The following TTC14 variants were observed in gnomAD, a reference collection of about 807,000 sequenced individuals.
TTC14 encodes tetratricopeptide repeat protein 14.
Under a neutral mutation model 79.9 loss-of-function variants are expected in TTC14, and 63 were observed. The observed-to-expected ratio is 0.79, with a 90% CI of 0.64 to 0.97. The LOEUF is 0.97. Ranked by LOEUF, TTC14 falls within the 50% of genes least tolerant of loss-of-function variation. TTC14 has a pLI of 0.00. For missense variants in TTC14, 895 were observed against 894.0 expected, an observed-to-expected ratio of 1.00 and a Z score of -0.01; for synonymous variants, 335 against 309.6, an observed-to-expected ratio of 1.08 and a Z score of -0.86.
chr3:180,602,217 G>C lies in TTC14; in HGVS notation c.-45G>C, dbSNP rs1421797585. ...CGGCTCAAGTAGCGGACACGGAACA[G>C]GGAACTATCAGCCCGTCGGCCTCCG... is the stretch of plus-strand genomic sequence containing the variant. On this transcript the variant is annotated 5_prime_UTR_variant, in exon 1 of 12. Coordinates refer to ENST00000296015, the MANE Select transcript of TTC14 (RefSeq NM_133462.4). 1 of 1,606,486 alleles carries C rather than the reference G, an allele frequency of 6.2e-7. No homozygotes were observed. The highest frequency in any genetic ancestry group is 8.5e-7 in the Non-Finnish European group (1 of 1,176,366).
intron 12 of TTC14, chr3:180,616,803 C>A: frequency 6.2e-7 from 1 of 1,602,502 alleles, no homozygotes; most frequent in South Asian, 1.1e-5. Flanking sequence ...TATGAAAGGT[C>A]AGTTTTTAAA....
chr3:180,612,322 G>T (rs765475145), downstream of TTC14, among the ~76,000 whole-genome samples: 14 of 151,892 alleles, frequency 9.2e-5, no homozygotes, highest in Non-Finnish European at 1.9e-4. Context: ...TTGTTACATG[G>T]ATCTATCGTG....
rs144146781 is a variant in TTC14 at position 180,605,528 on chromosome 3, G to A, written c.858-238G>A. On this transcript the variant is annotated intron_variant, in intron 6 of 11. Transcript: ENST00000296015. The stretch of plus-strand genomic sequence containing the variant: ...AATCTCCTGACCTCGTGATCCACCC[G>A]CCTCGACCTCCCAAAGTGTTGGGAT... 9.5e-4 allele frequency: 321 copies of A among 338,594 alleles called. 4 individuals carry two copies. The East Asian group carries it at 0.025, about 27-fold the overall frequency. 21.0% of individuals were successfully genotyped at this position (338,594 alleles called of 1,614,324 possible).
chr3:180,613,661 G>GTGTT (rs1717111288), downstream of TTC14, among the ~76,000 whole-genome samples: 3 of 152,206 alleles, frequency 2.0e-5, no homozygotes, highest in African/African-American at 7.2e-5. Context: ...TCATAGAAGA[G>GTGTT]TGTTTAATAT....
chr3:180,604,634 C>T (rs763839301), intron 5 of TTC14, 27 bp downstream of exon 5: 2 of 1,582,874 alleles, frequency 1.3e-6, no homozygotes, highest in East Asian at 2.2e-5. Context: ...ATTTCAACAA[C>T]AGTTCATTAC....
In TTC14 at chr3:180,610,055, G is replaced by A. The variant is rs879073040; in HGVS notation, c.1826G>A (p.Gly609Asp). The A allele has an allele frequency of 1.2e-6, 2 of 1,613,944 alleles. No homozygotes were observed. The highest frequency in any genetic ancestry group is 1.7e-6 in the Non-Finnish European group (2 of 1,179,936). Reference protein sequence around the residue: ...DFYNSYKTQAGSSKTEKPYKS... With the variant: ...DFYNSYKTQADSSKTEKPYKS... ...TATAACAGCTATAAAACCCAAGCAG[G>A]TAGTAGCAAAACAGAAAAGCCATAT... The change falls in exon 12 of 12, where the codon GGT (glycine) becomes GAT (aspartate). Residue 609 changes from glycine (G) to aspartate (D), a missense_variant. By Grantham distance (94) the Gly-to-Asp change is moderately conservative. Transcript: ENST00000296015.
At chr3:180,614,706 CAT>C (rs1458819158), downstream of TTC14, 1 of 465,690 alleles carries the variant, frequency 2.1e-6, no homozygotes, top group East Asian at 3.8e-5. Flanking sequence ...GCTTGTATAA[CAT>C]GTAGCCTTGT....
downstream of TTC14, among the ~76,000 whole-genome samples, chr3:180,612,973 G>A (rs748700595): frequency 3.8e-4 from 58 of 152,222 alleles, no homozygotes; most frequent in African/African-American, 1.1e-3. Context: ...GCCAAGAAGC[G>A]TATGAAATAA....
rs770480908 is a variant in TTC14 at position 180,609,988 on chromosome 3, C to T, written c.1759C>T (p.Pro587Ser). 38 of 1,613,852 alleles carry T rather than the reference C, an allele frequency of 2.4e-5. No homozygotes were observed. The South Asian group carries it at 3.8e-4, about 16-fold the overall frequency. ...TCTCTCTTCATCTTCACTTGAAATA[C>T]CGGATGATTTTGGAGGTAGGTCTGA... ...CPLSSSSLEI[P>S]DDFGGRSEDP... Residue 587 changes from proline (P) to serine (S), a missense_variant, in exon 12 of 12, where the codon CCG becomes TCG. By Grantham distance (74) the Pro-to-Ser change is moderately conservative. Transcript: ENST00000296015.
At chr3:180,617,627 A>G in exon 13 of TTC14, 2 of 408,166 alleles carry the variant, frequency 4.9e-6, no homozygotes, top group Non-Finnish European at 8.7e-6. Flanking sequence ...AAAAGTAAAA[A>G]AACTAAAAAT....
At chr3:180,614,867 T>A, downstream of TTC14, 1 of 1,483,870 alleles carries the variant, frequency 6.7e-7, no homozygotes. Context: ...TTTTGTATTT[T>A]AAAGTATATT....
exon 13 of TTC14, chr3:180,617,427 G>T (rs748479663): frequency 1.5e-6 from 1 of 675,202 alleles, no homozygotes; most frequent in South Asian, 1.7e-5. Context: ...GCCTCAGGCA[G>T]GTCCTTCAGG....
chr3:180,614,924 T>C (rs751844801), downstream of TTC14: 30 of 1,558,544 alleles, frequency 1.9e-5, no homozygotes, highest in Non-Finnish European at 2.4e-5. Flanking sequence ...AAAATGTTTA[T>C]TTGCTGCTCT....
At chr3:180,615,075 G>A (rs1346270869), downstream of TTC14, 1 of 1,521,806 alleles carries the variant, frequency 6.6e-7, no homozygotes, top group Admixed American at 2.5e-5. Context: ...ACTCCTAGAT[G>A]ACCTAGAAGA....
In TTC14 at chr3:180,616,562, T is replaced by C. The variant is rs587781264; in HGVS notation, c.1775-818T>C. 1.3e-6 allele frequency: 2 copies of C among 1,598,384 alleles called. No homozygotes were observed. Among genetic ancestry groups the C allele is most frequent in the Non-Finnish European group, 1.7e-6 (2 of 1,172,882 alleles). On this transcript the variant is annotated intron_variant, in intron 12 of 12. Transcript: ENST00000382584. ...GATAATACGGATCTCAGTATTTTCT[T>C]CTATGATATCAACTAACATTTCATC...
At chr3:180,611,863 G>T (rs772705070), downstream of TTC14, among the ~76,000 whole-genome samples, 1 of 152,172 alleles carries the variant, frequency 6.6e-6, no homozygotes, top group Non-Finnish European at 1.5e-5. Context: ...TCCTTGTTCT[G>T]TCTTGCAGTT....
At chr3:180,612,636 G>A (rs973786041), downstream of TTC14, among the ~76,000 whole-genome samples, 3 of 151,948 alleles carry the variant, frequency 2.0e-5, no homozygotes, top group Non-Finnish European at 4.4e-5. Context: ...TATAGTCCCA[G>A]CTATGCGGGA....
At position 180,605,755 on chromosome 3, in the gene TTC14, T is replaced by C. The variant is rs1716644752; in HGVS notation, c.858-11T>C. 1 of 1,564,750 alleles carries C rather than the reference T, an allele frequency of 6.4e-7. No individual in the cohort carries two copies. Among genetic ancestry groups the C allele is most frequent in the African/African-American group, 1.4e-5 (1 of 70,626 alleles). On this transcript the variant is annotated splice_polypyrimidine_tract_variant and intron_variant, in intron 6 of 11. Coordinates refer to ENST00000296015, the MANE Select transcript of TTC14 (RefSeq NM_133462.4). ...GTGGTTTAACTTTTTAATTTTTATTTTCTTTAATAGCAAAAATTTCTCTGA... is the reference window on the plus strand; with the variant it reads ...GTGGTTTAACTTTTTAATTTTTATTCTCTTTAATAGCAAAAATTTCTCTGA...
intron 6 of TTC14, 75 bp from the exon 7 acceptor site, chr3:180,605,691 T>C (rs1716641468): frequency 2.9e-6 from 3 of 1,050,246 alleles, no homozygotes; most frequent in Non-Finnish European, 4.1e-6. Context: ...GTCGAGTGCC[T>C]GTCAAGCAGA....
Sources: allele counts gnomAD v4.1 joint callset (sites outside exome capture counted in the v4.1 genomes callset), GRCh38; gene constraint gnomAD v4.1.1; transcripts MANE v1.5; gene names NCBI Gene and HGNC (gene_info 2026-07-23, HGNC 2026-07-21).